Variants in SULT1A2 observed in about 807,000 individuals in gnomAD.
SULT1A2 encodes sulfotransferase family 1A member 2.
In SULT1A2, 33 loss-of-function variants were observed where a neutral mutation model predicts 36.0. That is an observed-to-expected ratio of 0.92 (90% CI 0.69 to 1.22). The LOEUF (loss-of-function observed/expected upper bound fraction) is 1.22, where lower values mean the gene tolerates loss of function less well. Among genes scored for constraint, SULT1A2 ranks in the 50% most tolerant of loss-of-function variants. The probability of loss-of-function intolerance (pLI) is 0.00; values close to 1 mark genes in which losing one functional copy is unlikely to be tolerated. For synonymous variants in SULT1A2, 138 were observed against 144.5 expected, an observed-to-expected ratio of 0.96 and a Z score of 0.32; for missense variants, 367 against 383.2, an observed-to-expected ratio of 0.96 and a Z score of 0.35.
chr16:28,592,142 T>A lies in SULT1A2; in HGVS notation c.776-2A>T. The A allele has an allele frequency of 6.2e-7, 1 of 1,612,232 alleles. No individual in the cohort carries two copies. The highest frequency in any genetic ancestry group is 8.5e-7 in the Non-Finnish European group (1 of 1,179,812). On this transcript the variant is annotated splice_acceptor_variant, in intron 7 of 7. Transcript: ENST00000335715. LOFTEE classifies it high-confidence loss of function. Reference sequence around the variant, plus strand: ...TGGTCTTCCAGTCCCCAGCCATGCCTGGGGGAGGAAGGCAGGGAGCAAAGC... The same window carrying A: ...TGGTCTTCCAGTCCCCAGCCATGCCAGGGGGAGGAAGGCAGGGAGCAAAGC...
At chr16:28,592,992 CAG>C (rs747238528) in intron 6 of SULT1A2, among the ~76,000 whole-genome samples, 14 of 152,118 alleles carry the variant, frequency 9.2e-5, no homozygotes, top group African/African-American at 1.9e-4. Flanking sequence ...TCCTGGACAA[CAG>C]AGCAAGACTT....
intron 4 of SULT1A2, among the ~76,000 whole-genome samples, chr16:28,594,964 G>T (rs143206685): frequency 6.6e-6 from 1 of 151,260 alleles, no homozygotes; most frequent in African/African-American, 2.4e-5. Flanking sequence ...TGTATTTTTA[G>T]TAGAGATGGG....
At chr16:28,594,528 C>A (rs1255393322) in intron 4 of SULT1A2, among the ~76,000 whole-genome samples, 1 of 152,234 alleles carries the variant, frequency 6.6e-6, no homozygotes, top group African/African-American at 2.4e-5. Context: ...TCTCGGCTCA[C>A]TGCAACCACC....
chr16:28,592,323 T>G lies in SULT1A2; in HGVS notation c.715A>C (p.Asn239His). 3 of 1,613,904 alleles carry G rather than the reference T, an allele frequency of 1.9e-6. No homozygotes were observed. The highest frequency in any genetic ancestry group is 2.5e-6 in the Non-Finnish European group (3 of 1,179,856). Residue 239 changes from asparagine to histidine, a missense_variant, in exon 7 of 8, where the codon AAC becomes CAC. Physicochemically the swap from Asn to His is moderately conservative, Grantham distance 68. Coordinates refer to ENST00000335715, the MANE Select transcript of SULT1A2 (RefSeq NM_001054.4). ...FKEMKKNPMT[N>H]YTTVRREFMD... Reference sequence around the variant, plus strand: ...AACTCCCGGCGGACGGTGGTGTAGTTGGTCATAGGGTTCTTCTTCATCTCC... The same window carrying G: ...AACTCCCGGCGGACGGTGGTGTAGTGGGTCATAGGGTTCTTCTTCATCTCC...
At position 28,595,575 on chromosome 16, in the gene SULT1A2, C is replaced by T. The variant is rs201825171; in HGVS notation, c.249G>A (p.Glu83=). 2 of 1,614,208 alleles carry T rather than the reference C, an allele frequency of 1.2e-6. No homozygotes were observed. Among genetic ancestry groups the T allele is most frequent in the African/African-American group, 2.7e-5 (2 of 75,052 alleles). Residue 83 remains glutamate (E), a synonymous_variant, in exon 3 of 8, where the codon GAG becomes GAA. Coordinates refer to ENST00000335715, the MANE Select transcript of SULT1A2 (RefSeq NM_001054.4). ...APIFMRVPFL[E]FKVPGIPSGM... is the part of the protein sequence containing the mutation. ...CTGAGGGAATCCCTGGGACTTTGAA[C>T]TCAAGGAAGGGCACCCGCATGAAGA...
At chr16:28,593,166 G>A (rs1375753027) in intron 6 of SULT1A2, 86 bp downstream of exon 6, 3 of 1,584,952 alleles carry the variant, frequency 1.9e-6, no homozygotes, top group South Asian at 2.3e-5. Context: ...GCCGCCCAGG[G>A]AGGGTGGCTG....
intron 4 of SULT1A2, 28 bp from the exon 5 acceptor site, chr16:28,593,596 C>T (rs750210115): frequency 1.9e-6 from 3 of 1,613,282 alleles, no homozygotes; most frequent in South Asian, 1.1e-5. Context: ...TCAACCCCAG[C>T]ACCATCACCA....
rs754385709 is a variant in SULT1A2 at position 28,592,333 on chromosome 16, GTTC to G, written c.702_704del (p.Lys234del). On this transcript the variant is annotated inframe_deletion, in exon 7 of 8. Coordinates refer to ENST00000335715, the MANE Select transcript of SULT1A2 (RefSeq NM_001054.4). ...GGACGGTGGTGTAGTTGGTCATAGG[GTTC>G]TTCTTCATCTCCTTGAACGACGTGT... 49 of 1,613,782 alleles carry G rather than the reference GTTC, an allele frequency of 3.0e-5. No homozygotes were observed. The highest frequency in any genetic ancestry group is 2.3e-4 in the African/African-American group (17 of 74,902).
chr16:28,593,502 T>C lies in SULT1A2; in HGVS notation c.439A>G (p.Lys147Glu), dbSNP rs765069200. The C allele has an allele frequency of 4.2e-5, 67 of 1,614,046 alleles. No individual in the cohort carries two copies. In the Middle Eastern group the frequency reaches 6.6e-4, roughly 16 times the overall value. Residue 147 changes from lysine to glutamate, a missense_variant, in exon 5 of 8, where the codon AAA becomes GAA. Transcript: ENST00000335715. ...CAGGTCCCAGGGTGAGGGTACACTT[T>C]GGCCATGTGGTAGAAGTGGTAGTAG... ...VSYYHFYHMA[K>E]VYPHPGTWES...
chr16:28,595,318 C>T, intron 4 of SULT1A2, 49 bp downstream of exon 4: 1 of 1,606,254 alleles, frequency 6.2e-7, no homozygotes, highest in Non-Finnish European at 8.5e-7. Context: ...CCACCTCAGC[C>T]TCCCAAAGTA....
rs2047056779 is a variant in SULT1A2 at position 28,596,037 on chromosome 16, G to A, written c.-4-103C>T. ...GAAGTCACTGAGGCCTAGGGAGGCT[G>A]AGTGACTTGCCCGCACTCACAAGGC... On this transcript the variant is annotated intron_variant, in intron 1 of 7. Coordinates refer to ENST00000335715, the MANE Select transcript of SULT1A2 (RefSeq NM_001054.4). 4.4e-6 allele frequency: 7 copies of A among 1,575,448 alleles called. No homozygotes were observed. The East Asian group carries it at 9.0e-5, about 20-fold the overall frequency.
chr16:28,595,669 G>A lies in SULT1A2; in HGVS notation c.155C>T (p.Thr52Ile), dbSNP rs767962004. The change falls in exon 3 of 8, where the codon ACC (threonine) becomes ATC (isoleucine). Residue 52 changes from threonine (T) to isoleucine (I), a missense_variant. Thr to Ile is a moderately conservative substitution (Grantham distance 89). Transcript: ENST00000335715. ...LISTYPKSGTTWVSQILDMIY... is the reference protein window; with the variant it reads ...LISTYPKSGTIWVSQILDMIY... ...CATGTCCAGAATCTGGCTCACCCAG[G>A]TGGTGCCTGGAGAGGGAGGGAGATG... 3 of 1,614,044 alleles carry A rather than the reference G, an allele frequency of 1.9e-6. No individual in the cohort carries two copies. Among genetic ancestry groups the A allele is most frequent in the Non-Finnish European group, 2.5e-6 (3 of 1,180,006 alleles).
Position 28,593,430 on chromosome 16 carries a change from C to T in SULT1A2, c.499+12G>A. The T allele has an allele frequency of 6.2e-7, 1 of 1,614,204 alleles. No homozygotes were observed. The highest frequency in any genetic ancestry group is 8.5e-7 in the Non-Finnish European group (1 of 1,180,026). On this transcript the variant is annotated intron_variant, in intron 5 of 7. Transcript: ENST00000335715. ...CTTAGCTCCACACCTTCCTTCCTCC[C>T]ATCAAGCCCACCTTCTCCAGCCATG...
chr16:28,596,272 C>T, intron 1 of SULT1A2: 2 of 1,253,198 alleles, frequency 1.6e-6, no homozygotes, highest in South Asian at 1.7e-5. Flanking sequence ...ACTGAGGAAC[C>T]TCTAGGACCT....
At chr16:28,593,010 C>CA (rs371124038) in intron 6 of SULT1A2, among the ~76,000 whole-genome samples, 1,772 of 148,718 alleles carry the variant, frequency 0.012, 15 homozygotes, top group East Asian at 0.029. Context: ...GACTTTGTCT[C>CA]AAAAAAAAAA....
chr16:28,594,351 G>C (rs2047034186), intron 4 of SULT1A2, among the ~76,000 whole-genome samples: 2 of 152,034 alleles, frequency 1.3e-5, no homozygotes, highest in Admixed American at 1.3e-4. Flanking sequence ...CATGTTTCCT[G>C]GGCTGGTCTG....
rs1172617205 is a variant in SULT1A2, at chr16:28,595,594, A to C, written c.230T>G (p.Met77Arg). The C allele has an allele frequency of 6.2e-7, 1 of 1,614,186 alleles. No homozygotes were observed. Among genetic ancestry groups the C allele is most frequent in the Non-Finnish European group, 8.5e-7 (1 of 1,180,032 alleles). Residue 77 changes from methionine (M) to arginine (R), a missense_variant, in exon 3 of 8, where the codon ATG becomes AGG. Physicochemically the swap from Met to Arg is moderately conservative, Grantham distance 91. Transcript: ENST00000335715. The stretch of plus-strand genomic sequence containing the variant: ...TTTGAACTCAAGGAAGGGCACCCGC[A>C]TGAAGATGGGAGCTCGGTGACACTT... ...LEKCHRAPIF[M>R]RVPFLEFKVP...
rs1250984966 is a variant in SULT1A2, at chr16:28,596,365, T to G, written c.-4-431A>C. The G allele has an allele frequency of 3.6e-6, 4 of 1,117,658 alleles. No homozygotes were observed. The East Asian group carries it at 3.0e-4, about 83-fold the overall frequency. 69.2% of individuals were successfully genotyped at this position (1,117,658 alleles called of 1,614,324 possible). A position where few individuals can be genotyped will look rare whatever the true frequency, so the allele number is the denominator to read the frequency against. ...CCCCAGCCTCCACCCAGTAGGCTCC[T>G]CTCCCCGATGTTCCCCTCCTTGAGC... On this transcript the variant is annotated intron_variant, in intron 1 of 7. Coordinates refer to ENST00000335715, the MANE Select transcript of SULT1A2 (RefSeq NM_001054.4).
intron 6 of SULT1A2, 138 bp downstream of exon 6, chr16:28,593,114 G>C (rs1259410059): frequency 4.6e-6 from 6 of 1,310,946 alleles, no homozygotes; most frequent in African/African-American, 1.5e-5. Context: ...AGTGGGGCCT[G>C]GGCCAGGGAG....
Sources: allele counts gnomAD v4.1 joint callset (sites outside exome capture counted in the v4.1 genomes callset), GRCh38; gene constraint gnomAD v4.1.1; transcripts MANE v1.5; gene names NCBI Gene and HGNC (gene_info 2026-07-23, HGNC 2026-07-21).